Variants in EHMT1 observed in about 807,000 individuals in gnomAD.
The protein encoded by EHMT1 is euchromatic histone lysine methyltransferase 1.
Under a neutral mutation model 147.2 loss-of-function variants are expected in EHMT1, and 15 were observed. The observed-to-expected ratio is 0.10, with a 90% CI of 0.07 to 0.16. The LOEUF (loss-of-function observed/expected upper bound fraction) is 0.16, where lower values mean the gene tolerates loss of function less well. Ranked by LOEUF, EHMT1 falls within the 10% of genes least tolerant of loss-of-function variation. The pLI is 1.00. For missense variants in EHMT1, 1,587 were observed against 1,772.4 expected (o/e 0.90, Z 1.88); for synonymous variants, 795 against 709.6 (o/e 1.12, Z -1.91).
chr9:137,738,591 C>A (rs1015584526), intron 4 of EHMT1: 2 of 152,148 alleles, frequency 1.3e-5, no homozygotes, highest in South Asian at 2.1e-4. Flanking sequence ...TGCTTGTACA[C>A]CCACGTTGAT....
intron 15 of EHMT1, among the ~76,000 whole-genome samples, chr9:137,789,865 G>C (rs1468516884): frequency 1.3e-5 from 2 of 152,254 alleles, no homozygotes; most frequent in Non-Finnish European, 2.9e-5. Context: ...GCGTAGCTGG[G>C]ATTACAGGCG....
chr9:137,794,099 TA>T (rs1346889135), intron 16 of EHMT1, among the ~76,000 whole-genome samples: 1 of 152,356 alleles, frequency 6.6e-6, no homozygotes, highest in Non-Finnish European at 1.5e-5. Flanking sequence ...CTCCTCATAG[TA>T]ATTCAACTCC....
At chr9:137,701,628 T>A (rs1943838376) in intron 1 of EHMT1, among the ~76,000 whole-genome samples, 1 of 145,418 alleles carries the variant, frequency 6.9e-6, no homozygotes, top group East Asian at 2.0e-4. Context: ...CTGGCTAATT[T>A]TTTTTTTTTT....
intron 1 of EHMT1, among the ~76,000 whole-genome samples, chr9:137,668,686 C>T (rs938713908): frequency 7.2e-5 from 11 of 152,044 alleles, no homozygotes; most frequent in African/African-American, 2.7e-4. Flanking sequence ...TTTGCCTGTT[C>T]TCTGTTGTCT....
rs1394361192 is a variant in EHMT1, at chr9:137,775,506, G to A, written c.1791+254G>A. 2.0e-5 allele frequency among the ~76,000 whole-genome samples: 3 copies of A among 151,770 alleles called. No homozygotes were observed. The highest frequency in any genetic ancestry group is 2.9e-5 in the Non-Finnish European group (2 of 67,932). On this transcript the variant is annotated intron_variant, in intron 11 of 26. Transcript: ENST00000460843. This position sits in a 1 kb window ranked among gnomAD's most constrained non-coding sequence, Gnocchi z 6.1. Reference sequence around the variant, plus strand: ...AACCGCTTTTGGAGATGACTAGGACGGTGTGACCTGGGCTTCCAGGCCAGA... The same window carrying A: ...AACCGCTTTTGGAGATGACTAGGACAGTGTGACCTGGGCTTCCAGGCCAGA...
intron 1 of EHMT1, among the ~76,000 whole-genome samples, chr9:137,622,902 G>C (rs1400401948): frequency 7.4e-6 from 1 of 135,720 alleles, no homozygotes; most frequent in Non-Finnish European, 1.5e-5. Flanking sequence ...GCAAAATCCT[G>C]TCTCAAAAAA....
intron 1 of EHMT1, among the ~76,000 whole-genome samples, chr9:137,643,345 T>C (rs1844635852): frequency 6.8e-6 from 1 of 148,110 alleles, no homozygotes; most frequent in Admixed American, 6.7e-5. Context: ...AGGTTTTTTT[T>C]TTTTTTTTTT....
intron 25 of EHMT1, chr9:137,832,959 C>T (rs1195839046): frequency 6.6e-6 from 1 of 152,292 alleles, no homozygotes; most frequent in Non-Finnish European, 1.5e-5. Context: ...CCACTCTGAA[C>T]TCTGTTTCTT....
intron 1 of EHMT1, among the ~76,000 whole-genome samples, chr9:137,683,998 T>A (rs111763612): frequency 2.6e-5 from 4 of 151,868 alleles, no homozygotes; most frequent in African/African-American, 9.7e-5. Flanking sequence ...ATATATTTCA[T>A]TTTTTTCCTA....
At chr9:137,687,095 C>T (rs1942521200) in intron 1 of EHMT1, among the ~76,000 whole-genome samples, 1 of 152,148 alleles carries the variant, frequency 6.6e-6, no homozygotes, top group Non-Finnish European at 1.5e-5. Flanking sequence ...TCTTCCTTAT[C>T]AAATTCATGG....
At chr9:137,772,220 C>G (rs1950631563) in intron 10 of EHMT1, among the ~76,000 whole-genome samples, 1 of 152,080 alleles carries the variant, frequency 6.6e-6, no homozygotes, top group Non-Finnish European at 1.5e-5. Flanking sequence ...GCACACCTCT[C>G]CAAGCACAAA....
intron 3 of EHMT1, among the ~76,000 whole-genome samples, chr9:137,719,859 C>T (rs1945759984): frequency 6.7e-6 from 1 of 148,252 alleles, no homozygotes; most frequent in Admixed American, 6.7e-5. Flanking sequence ...TGCCGAACCC[C>T]CTCCACACCA....
chr9:137,781,203 AGACGTGTGGTGACGACGCTGG>A (rs1564748754), intron 14 of EHMT1, among the ~76,000 whole-genome samples: 2 of 68,842 alleles, frequency 2.9e-5, no homozygotes, highest in Non-Finnish European at 5.0e-5. Context: ...GACGACGCTG[AGACGTGTGGTGACGACGCTGG>A]GACGTGTGGT....
chr9:137,794,434 G>A (rs955573626), intron 16 of EHMT1, among the ~76,000 whole-genome samples: 21 of 152,116 alleles, frequency 1.4e-4, no homozygotes, highest in Admixed American at 1.3e-3. Flanking sequence ...GATGGCCTGA[G>A]GTGAGGAGTT....
At chr9:137,763,302 G>A (rs1949982555) in intron 10 of EHMT1, 1 of 251,030 alleles carries the variant, frequency 4.0e-6, no homozygotes, top group Admixed American at 5.0e-5. Context: ...TCTGGGACAG[G>A]AGGGGGGATC....
chr9:137,731,442 C>A lies in EHMT1; in HGVS notation c.823+2913C>A, dbSNP rs894062239. Among the ~76,000 whole-genome samples, 8 of 152,172 alleles carry A rather than the reference C, an allele frequency of 5.3e-5. No homozygotes were observed. The highest frequency in any genetic ancestry group is 1.4e-4 in the African/African-American group (6 of 41,438). Reference sequence around the variant, plus strand: ...TGTCTTGTGATGGTCATCAGTGCACCTTTCAACATGGCTGGAAAGACAGGA... The same window carrying A: ...TGTCTTGTGATGGTCATCAGTGCACATTTCAACATGGCTGGAAAGACAGGA... On this transcript the variant is annotated intron_variant, in intron 4 of 26. Transcript: ENST00000460843. This position sits in a 1 kb window ranked among gnomAD's most constrained non-coding sequence, Gnocchi z 4.3.
chr9:137,710,653 A>G (rs976813616), intron 1 of EHMT1, among the ~76,000 whole-genome samples: 2 of 152,206 alleles, frequency 1.3e-5, no homozygotes, highest in Non-Finnish European at 2.9e-5. Flanking sequence ...ATTTTGAAAT[A>G]AATTGTAACA....
At chr9:137,826,678 G>A (rs1444278157) in intron 25 of EHMT1, among the ~76,000 whole-genome samples, 1 of 152,248 alleles carries the variant, frequency 6.6e-6, no homozygotes, top group Non-Finnish European at 1.5e-5. Context: ...CAGGCGGGTG[G>A]AGCCGCAGCC....
intron 2 of EHMT1, 52 bp from the exon 3 acceptor site, chr9:137,716,574 T>C (rs1945321907): frequency 6.7e-7 from 1 of 1,484,398 alleles, no homozygotes; most frequent in Non-Finnish European, 9.0e-7. Flanking sequence ...GTGGTGGTGG[T>C]GCCATGGAGA....
Sources: gnomAD v4.1 joint callset for allele counts (sites outside exome capture counted in the v4.1 genomes callset) on GRCh38, gnomAD v4.1.1 for gene constraint, Gnocchi (gnomAD v3.1) non-coding constraint, MANE v1.5 for transcripts, NCBI Gene and HGNC (gene_info 2026-07-23, HGNC 2026-07-21) for gene names.